CAMK1D: variants seen among roughly 807,000 people sequenced by gnomAD.
CAMK1D encodes the protein calcium/calmodulin-dependent protein kinase type 1D.
CAMK1D carries 9 observed loss-of-function variants against 47.7 expected under a neutral mutation model. The observed-to-expected ratio is 0.19, with a 90% confidence interval of 0.11 to 0.33. CAMK1D has a LOEUF of 0.33. Ranked by LOEUF, CAMK1D falls within the 10% of genes least tolerant of loss-of-function variation. The probability of loss-of-function intolerance (pLI) is 1.00; values close to 1 mark genes in which losing one functional copy is unlikely to be tolerated. For missense variants in CAMK1D, 291 were observed against 488.7 expected (o/e 0.60, Z 3.81); for synonymous variants, 184 against 184.9 (o/e 0.99, Z 0.04).
chr10:12,451,003 C>T (rs531656420), intron 1 of CAMK1D, among the ~76,000 whole-genome samples: 6 of 152,222 alleles, frequency 3.9e-5, no homozygotes, highest in African/African-American at 1.2e-4. Context: ...GACCTGCCCG[C>T]CATGTAAGAG....
At chr10:12,536,821 C>T (rs1403124429) in intron 1 of CAMK1D, among the ~76,000 whole-genome samples, 3 of 151,974 alleles carry the variant, frequency 2.0e-5, no homozygotes, top group Non-Finnish European at 4.4e-5. Context: ...CAGGTTTATC[C>T]CTGTTAATGC....
chr10:12,556,689 T>C (rs1836771883), intron 2 of CAMK1D, among the ~76,000 whole-genome samples: 1 of 152,164 alleles, frequency 6.6e-6, no homozygotes, highest in South Asian at 2.1e-4. Flanking sequence ...GAGGTGGGAT[T>C]GTGGAGGGCC....
At position 12,750,007 on chromosome 10, in the gene CAMK1D, T is replaced by TA. The variant is rs1289820863; in HGVS notation, c.300-10940dup. ...GAAGGAGCCAAGGACAGTGGATGCT[T>TA]ACCTGGAACGTCTGGCAGCTGGTCT... On this transcript the variant is annotated intron_variant, in intron 3 of 10. Transcript: ENST00000619168. Among the ~76,000 whole-genome samples, 4 of 152,172 alleles carry TA rather than the reference T, an allele frequency of 2.6e-5. No homozygotes were observed. In the East Asian group the frequency reaches 7.7e-4, roughly 29 times the overall value.
rs532826672 is a variant in CAMK1D, at chr10:12,602,942, C to A, written c.224+49586C>A. Among the ~76,000 whole-genome samples, 5 of 60,538 alleles carry A rather than the reference C, an allele frequency of 8.3e-5. No individual in the cohort carries two copies. The South Asian group carries it at 2.2e-3, about 27-fold the overall frequency. 39.7% of individuals were successfully genotyped at this position (60,538 alleles called of 152,430 possible). On this transcript the variant is annotated intron_variant, in intron 2 of 10. Transcript: ENST00000619168. ...TTATTATTTTGAGACAGAGTCTCGC[C>A]CTGTTGCTCCCAAGCTGGAGTATAG...
chr10:12,406,224 C>T (rs970578115), intron 1 of CAMK1D, among the ~76,000 whole-genome samples: 9 of 152,230 alleles, frequency 5.9e-5, no homozygotes, highest in South Asian at 2.1e-4. Context: ...ACTCCTACCC[C>T]GTGGAAGTTT....
chr10:12,749,755 A>G (rs1056567274), intron 3 of CAMK1D, among the ~76,000 whole-genome samples: 7 of 151,972 alleles, frequency 4.6e-5, no homozygotes, highest in South Asian at 4.2e-4. Context: ...ACACCTGGCT[A>G]ATTTTTGTAT....
rs545487051 is a variant in CAMK1D at position 12,724,381 on chromosome 10, G to A, written c.300-36567G>A. ...GAAGGGACTCTGGGGGCCAGGGTTT[G>A]TGTTCTGGGGCTTTCCGAGTCCTTG... On this transcript the variant is annotated intron_variant, in intron 3 of 10. Coordinates refer to ENST00000619168, the MANE Select transcript of CAMK1D (RefSeq NM_153498.4). Among the ~76,000 whole-genome samples the A allele has an allele frequency of 2.6e-5, 4 of 152,354 alleles. No individual in the cohort carries two copies. In the South Asian group the frequency reaches 8.3e-4, roughly 32 times the overall value.
At chr10:12,773,988 T>C (rs1373251731) in intron 5 of CAMK1D, among the ~76,000 whole-genome samples, 1 of 149,724 alleles carries the variant, frequency 6.7e-6, no homozygotes, top group African/African-American at 2.5e-5. Flanking sequence ...GTCAGCTTAA[T>C]GTATGCTAAG....
chr10:12,732,676 C>CCCCCCG (rs1434127561), intron 3 of CAMK1D, among the ~76,000 whole-genome samples: 1 of 148,998 alleles, frequency 6.7e-6, no homozygotes, highest in African/African-American at 2.5e-5. Context: ...CCCCGCCCCC[C>CCCCCCG]CCGCCCCCTG....
intron 1 of CAMK1D, among the ~76,000 whole-genome samples, chr10:12,453,256 C>G (rs1345728681): frequency 2.0e-5 from 3 of 149,078 alleles, no homozygotes; most frequent in Non-Finnish European, 3.0e-5. Context: ...GTGGTGCAGT[C>G]TTGGCTCACT....
chr10:12,490,777 G>A (rs12782710), intron 1 of CAMK1D, among the ~76,000 whole-genome samples: 28,634 of 152,116 alleles, frequency 0.19, 3,307 homozygotes, highest in Non-Finnish European at 0.27. Context: ...CCCAGGAGGC[G>A]GAGGTTGCAA....
Position 12,827,331 on chromosome 10 carries a change from T to C in CAMK1D, c.1040-1438T>C, listed in dbSNP as rs1335117534. ...TTTTTCTTTTCTTTCTTTCTCTCTC[T>C]TCTCTTCCTTCCTTCCTTCTTCCTT... On this transcript the variant is annotated intron_variant, in intron 10 of 10. Coordinates refer to ENST00000619168, the MANE Select transcript of CAMK1D (RefSeq NM_153498.4). Among the ~76,000 whole-genome samples, 5 of 59,872 alleles carry C rather than the reference T, an allele frequency of 8.4e-5. No homozygotes were observed. In the East Asian group the frequency reaches 4.1e-3, roughly 49 times the overall value. The allele number at this position is 59,872 out of a possible 152,430, so 39.3% of individuals were successfully genotyped here.
chr10:12,485,438 A>G (rs990718616), intron 1 of CAMK1D, among the ~76,000 whole-genome samples: 1 of 152,134 alleles, frequency 6.6e-6, no homozygotes, highest in Non-Finnish European at 1.5e-5. Flanking sequence ...CTTGGGCCCC[A>G]GGTTCAGTGG....
At chr10:12,788,912 T>TA (rs1479635733) in intron 5 of CAMK1D, among the ~76,000 whole-genome samples, 2 of 152,008 alleles carry the variant, frequency 1.3e-5, no homozygotes, top group East Asian at 1.9e-4. Flanking sequence ...TGCTCTTGTT[T>TA]AAAAAAAATA....
Position 12,614,995 on chromosome 10 carries a change from C to T in CAMK1D, c.225-51741C>T, listed in dbSNP as rs79970611. 3.3e-3 allele frequency among the ~76,000 whole-genome samples: 499 copies of T among 152,310 alleles called. 3 individuals carry two copies. In the East Asian group the frequency reaches 0.042, roughly 13 times the overall value. On this transcript the variant is annotated intron_variant, in intron 2 of 10. Transcript: ENST00000619168. ...ACTCAGCAGGTGCCTGGACCTGGGGCTTCTCAGTGAAGATAACGTTGGAGA... is the reference window on the plus strand; with the variant it reads ...ACTCAGCAGGTGCCTGGACCTGGGGTTTCTCAGTGAAGATAACGTTGGAGA...
At chr10:12,417,807 CT>C (rs34013103) in intron 1 of CAMK1D, among the ~76,000 whole-genome samples, 145 of 145,144 alleles carry the variant, frequency 1.0e-3, no homozygotes, top group East Asian at 1.0e-3. Flanking sequence ...TATTTTTTGC[CT>C]TTTTTTTTTT....
chr10:12,670,554 T>A (rs1429402735), intron 3 of CAMK1D, among the ~76,000 whole-genome samples: 2 of 76,252 alleles, frequency 2.6e-5, no homozygotes, highest in African/African-American at 7.1e-5. Flanking sequence ...TACAATGAAA[T>A]TTTTTTTTTT....
chr10:12,591,972 G>C (rs562415777), intron 2 of CAMK1D, among the ~76,000 whole-genome samples: 4 of 152,232 alleles, frequency 2.6e-5, no homozygotes, highest in South Asian at 2.1e-4. Context: ...GATTACAGGC[G>C]TGAGCCACCA....
chr10:12,617,356 A>G (rs1216243365), intron 2 of CAMK1D, among the ~76,000 whole-genome samples: 1 of 152,212 alleles, frequency 6.6e-6, no homozygotes, highest in African/African-American at 2.4e-5. Context: ...TCATAACTCC[A>G]CTAGCCAGAA....
Sources: gnomAD v4.1 joint callset for allele counts (sites outside exome capture counted in the v4.1 genomes callset) on GRCh38, gnomAD v4.1.1 for gene constraint, MANE v1.5 for transcripts, NCBI Gene and HGNC (gene_info 2026-07-23, HGNC 2026-07-21) for gene names.